NPFFR2: variants seen among roughly 807,000 people sequenced by gnomAD.
NPFFR2 encodes G-protein coupled receptor 74.
NPFFR2 carries 15 observed loss-of-function variants against 13.1 expected under a neutral mutation model. The observed-to-expected ratio is 1.15, with a 90% CI of 0.77 to 1.76. NPFFR2 has a LOEUF of 1.76. Ranked by LOEUF, NPFFR2 falls within the 40% of genes most tolerant of loss-of-function variation. The pLI, the probability that NPFFR2 is intolerant of heterozygous loss-of-function variation, is 0.00. For synonymous variants in NPFFR2, 190 were observed against 175.7 expected, an observed-to-expected ratio of 1.08 and a Z score of -0.65; for missense variants, 572 against 503.5, an observed-to-expected ratio of 1.14 and a Z score of -1.30.
chr4:72,082,422 C>T (rs1720651801), intron 1 of NPFFR2, among the ~76,000 whole-genome samples: 1 of 152,144 alleles, frequency 6.6e-6, no homozygotes, highest in African/African-American at 2.4e-5. Flanking sequence ...TTTTCTAGTT[C>T]ATCTGGAATA....
intron 1 of NPFFR2, among the ~76,000 whole-genome samples, chr4:72,052,491 T>A (rs1578423952): frequency 6.6e-6 from 1 of 152,042 alleles, no homozygotes; most frequent in East Asian, 1.9e-4. Context: ...TGATGGGAAG[T>A]ATCTCAAAAT....
chr4:72,097,079 C>T (rs1721096365), intron 1 of NPFFR2, among the ~76,000 whole-genome samples: 1 of 151,638 alleles, frequency 6.6e-6, no homozygotes, highest in Admixed American at 6.6e-5. Context: ...TTGAAGTTTT[C>T]CCTAAATAGA....
rs1354281659 is a variant in NPFFR2, at chr4:72,126,495, C to A, written c.-7-2090C>A. Among the ~76,000 whole-genome samples the A allele has an allele frequency of 2.0e-5, 3 of 152,302 alleles. No individual in the cohort carries two copies. The South Asian group carries it at 6.2e-4, about 32-fold the overall frequency. On this transcript the variant is annotated intron_variant, in intron 1 of 3. Transcript: ENST00000308744. ...CCTGAGGCTGCTACCCTTAGAAAAG[C>A]CTGCTTGCTAAGTTGGCTCTTGGTT...
intron 1 of NPFFR2, among the ~76,000 whole-genome samples, chr4:72,063,898 A>C (rs898574665): frequency 1.3e-5 from 2 of 152,244 alleles, no homozygotes; most frequent in Non-Finnish European, 2.9e-5. Flanking sequence ...ATGAGAAACA[A>C]AATTTGTCTA....
chr4:72,098,686 CTT>C (rs1721139920), intron 1 of NPFFR2, among the ~76,000 whole-genome samples: 1 of 152,138 alleles, frequency 6.6e-6, no homozygotes, highest in African/African-American at 2.4e-5. Flanking sequence ...GGGCTAGAAA[CTT>C]TACTCACTCC....
chr4:72,130,781 G>T (rs1722212437), intron 2 of NPFFR2, among the ~76,000 whole-genome samples: 2 of 152,192 alleles, frequency 1.3e-5, no homozygotes, highest in Non-Finnish European at 2.9e-5. Context: ...TGGAGCCCCA[G>T]AAAGCAGACA....
rs758977683 is a variant in NPFFR2, at chr4:72,146,978, G to T, written c.429G>T (p.Arg143Ser). 3.1e-6 allele frequency: 5 copies of T among 1,598,736 alleles called. No individual in the cohort carries two copies. The highest frequency in any genetic ancestry group is 3.3e-4 in the Middle Eastern group (2 of 5,978). ...CATTTATATTTGTGTTTAATTGCAGGTTCCAGTGTGTGGTCTACCCTTTTA... is the reference window on the plus strand; with the variant it reads ...CATTTATATTTGTGTTTAATTGCAGTTTCCAGTGTGTGGTCTACCCTTTTA... ...VFTLVAIAVD[R>S]FQCVVYPFKP... The change falls in exon 4 of 4, where the codon AGG becomes AGT. Residue 143 changes from arginine (R) to serine (S), a missense_variant and splice_region_variant. Coordinates refer to ENST00000308744, the MANE Select transcript of NPFFR2 (RefSeq NM_004885.3).
chr4:72,135,940 A>AGT (rs1722396471), intron 2 of NPFFR2, among the ~76,000 whole-genome samples: 2 of 151,994 alleles, frequency 1.3e-5, no homozygotes, highest in Non-Finnish European at 2.9e-5. Flanking sequence ...GGCATTTGGG[A>AGT]TATCCATCAC....
intron 1 of NPFFR2, among the ~76,000 whole-genome samples, chr4:72,048,495 T>C (rs1719443663): frequency 6.6e-6 from 1 of 152,128 alleles, no homozygotes; most frequent in Non-Finnish European, 1.5e-5. Context: ...TATACATATA[T>C]GCCTGTGTAA....
At chr4:72,033,888 T>A (rs577870640) in intron 1 of NPFFR2, among the ~76,000 whole-genome samples, 9 of 152,288 alleles carry the variant, frequency 5.9e-5, no homozygotes, top group Non-Finnish European at 1.0e-4. Flanking sequence ...TTTATTGTAG[T>A]TGTTCTTCGG....
intron 1 of NPFFR2, among the ~76,000 whole-genome samples, chr4:72,101,626 A>G (rs999564143): frequency 1.3e-5 from 2 of 152,004 alleles, no homozygotes; most frequent in African/African-American, 4.8e-5. Context: ...CCTAGATGAG[A>G]TAAAATTTAA....
intron 1 of NPFFR2, among the ~76,000 whole-genome samples, chr4:72,079,022 ATC>A (rs1383815823): frequency 1.3e-5 from 2 of 151,012 alleles, no homozygotes; most frequent in Non-Finnish European, 2.9e-5. Context: ...TGGTCAAAGA[ATC>A]TACATGTGTT....
chr4:72,087,561 ATCT>A (rs10555683), intron 1 of NPFFR2, among the ~76,000 whole-genome samples: 132,512 of 151,828 alleles, frequency 0.87, 59,352 homozygotes, highest in Non-Finnish European at 0.98. Flanking sequence ...TGTGTAGGTA[ATCT>A]TCTTCAGTTG....
intron 1 of NPFFR2, among the ~76,000 whole-genome samples, chr4:72,099,009 G>A (rs1721151406): frequency 6.6e-6 from 1 of 152,154 alleles, no homozygotes; most frequent in South Asian, 2.1e-4. Flanking sequence ...ATTGCCTCTA[G>A]CTCAGTTGCC....
chr4:72,108,928 T>C (rs1163038880), intron 1 of NPFFR2, among the ~76,000 whole-genome samples: 2 of 152,018 alleles, frequency 1.3e-5, no homozygotes, highest in Non-Finnish European at 2.9e-5. Context: ...ATCCAACCTC[T>C]CAAAGTGTTT....
At chr4:72,043,701 A>T (rs1475644809) in intron 1 of NPFFR2, among the ~76,000 whole-genome samples, 1 of 152,168 alleles carries the variant, frequency 6.6e-6, no homozygotes, top group African/African-American at 2.4e-5. Flanking sequence ...CCTGTACCCC[A>T]TTGTATCTAG....
chr4:72,130,253 T>C (rs1415600073), intron 2 of NPFFR2, among the ~76,000 whole-genome samples: 4 of 152,174 alleles, frequency 2.6e-5, no homozygotes, highest in Admixed American at 6.5e-5. Context: ...TGTAAGATGA[T>C]AGAAATATCA....
At chr4:72,041,883 T>C (rs1719231552) in intron 1 of NPFFR2, among the ~76,000 whole-genome samples, 3 of 152,320 alleles carry the variant, frequency 2.0e-5, no homozygotes, top group South Asian at 2.1e-4. Flanking sequence ...TTGTGGATAT[T>C]AGACCTTTGT....
chr4:72,098,198 T>A (rs1259383960), intron 1 of NPFFR2, among the ~76,000 whole-genome samples: 1 of 152,170 alleles, frequency 6.6e-6, no homozygotes, highest in Non-Finnish European at 1.5e-5. Context: ...TCTATGGGAT[T>A]AAACAAATAG....
Sources: allele counts gnomAD v4.1 joint callset (sites outside exome capture counted in the v4.1 genomes callset), GRCh38; gene constraint gnomAD v4.1.1; transcripts MANE v1.5; gene names NCBI Gene and HGNC (gene_info 2026-07-23, HGNC 2026-07-21).